The following SDC2 variants were observed in gnomAD, a reference collection of about 807,000 sequenced individuals.
The protein encoded by SDC2 is syndecan-2.
SDC2 carries 13 observed loss-of-function variants against 22.2 expected under a neutral mutation model. That is an observed-to-expected ratio of 0.59 (90% CI 0.38 to 0.93). The LOEUF (loss-of-function observed/expected upper bound fraction) is 0.93, where lower values mean the gene tolerates loss of function less well. SDC2 is among the 40% of genes least tolerant of loss of function. SDC2 has a pLI of 0.00. For missense variants in SDC2, 235 were observed against 246.8 expected, an observed-to-expected ratio of 0.95 and a Z score of 0.32; for synonymous variants, 94 against 92.8, an observed-to-expected ratio of 1.01 and a Z score of -0.07.
intron 1 of SDC2, among the ~76,000 whole-genome samples, chr8:96,504,408 G>C (rs2130427758): frequency 6.6e-6 from 1 of 152,344 alleles, no homozygotes; most frequent in East Asian, 1.9e-4. Flanking sequence ...GAAAATGCAA[G>C]AGATGGTTTT....
At chr8:96,498,273 T>C (rs1226750564) in intron 1 of SDC2, among the ~76,000 whole-genome samples, 3 of 152,112 alleles carry the variant, frequency 2.0e-5, no homozygotes, top group Non-Finnish European at 4.4e-5. Flanking sequence ...TAGTGATCTT[T>C]CCGTTCATTT....
intron 1 of SDC2, among the ~76,000 whole-genome samples, chr8:96,560,611 A>G (rs527871804): frequency 3.8e-4 from 58 of 152,278 alleles, no homozygotes; most frequent in Admixed American, 6.5e-4. Context: ...GACTTTTAAG[A>G]TGGAAGGAGT....
chr8:96,578,936 C>T (rs1563668735), intron 1 of SDC2, among the ~76,000 whole-genome samples: 1 of 152,198 alleles, frequency 6.6e-6, no homozygotes, highest in Non-Finnish European at 1.5e-5. Context: ...TAAACTCCTG[C>T]GGTTGTTGGA....
chr8:96,591,965 G>A (rs1050415455), intron 1 of SDC2, among the ~76,000 whole-genome samples: 4 of 152,148 alleles, frequency 2.6e-5, no homozygotes, highest in Non-Finnish European at 5.9e-5. Context: ...CAAGCTTTGG[G>A]AATTACAATC....
intron 1 of SDC2, among the ~76,000 whole-genome samples, chr8:96,518,993 C>T (rs1813452880): frequency 6.6e-6 from 1 of 152,126 alleles, no homozygotes; most frequent in African/African-American, 2.4e-5. Flanking sequence ...TAATGTTTTT[C>T]ATCTAAAAAC....
intron 1 of SDC2, among the ~76,000 whole-genome samples, chr8:96,563,887 T>C (rs1175997294): frequency 6.6e-6 from 1 of 152,160 alleles, no homozygotes; most frequent in Non-Finnish European, 1.5e-5. Context: ...CTGTTTCCTC[T>C]CTGCATGTTG....
intron 1 of SDC2, among the ~76,000 whole-genome samples, chr8:96,531,648 C>T (rs57625811): frequency 6.6e-6 from 1 of 152,174 alleles, no homozygotes; most frequent in East Asian, 1.9e-4. Flanking sequence ...TAATGACTCA[C>T]CACTACCTCC....
chr8:96,532,412 GTT>G (rs35452131), intron 1 of SDC2, among the ~76,000 whole-genome samples: 1 of 47,942 alleles, frequency 2.1e-5, no homozygotes, highest in African/African-American at 1.0e-4. Flanking sequence ...TTATTGAGGC[GTT>G]TTTTTTTTTT....
In SDC2 at chr8:96,494,225, T is replaced by C; in HGVS notation, c.-47T>C. 6.5e-7 allele frequency: 1 copy of C among 1,533,844 alleles called. No individual in the cohort carries two copies. Among genetic ancestry groups the C allele is most frequent in the Non-Finnish European group, 8.8e-7 (1 of 1,141,410 alleles). On this transcript the variant is annotated 5_prime_UTR_variant, in exon 1 of 5. Coordinates refer to ENST00000302190, the MANE Select transcript of SDC2 (RefSeq NM_002998.4). ...GAGCGCTGGGCAGGAGGCTTCGTTT[T>C]GCCCTGGTTGCAAGCAGCGGCTGGG...
intron 1 of SDC2, chr8:96,586,308 G>A (rs148349141): frequency 7.2e-5 from 11 of 152,324 alleles, no homozygotes; most frequent in African/African-American, 2.6e-4. Flanking sequence ...TCACCAAATG[G>A]CGTAAAGCTT....
chr8:96,520,347 G>C (rs575458098), intron 1 of SDC2, among the ~76,000 whole-genome samples: 3 of 152,106 alleles, frequency 2.0e-5, no homozygotes, highest in African/African-American at 7.2e-5. Flanking sequence ...AGAAATTAGC[G>C]TGAGATCTAT....
At chr8:96,538,179 C>T (rs1813785066) in intron 1 of SDC2, among the ~76,000 whole-genome samples, 1 of 152,160 alleles carries the variant, frequency 6.6e-6, no homozygotes, top group African/African-American at 2.4e-5. Flanking sequence ...TCAGGCTGGT[C>T]TTGAACTCCT....
chr8:96,602,692 G>T (rs985692883), intron 3 of SDC2, among the ~76,000 whole-genome samples, 164 bp downstream of exon 3: 1 of 152,180 alleles, frequency 6.6e-6, no homozygotes, highest in African/African-American at 2.4e-5. Flanking sequence ...TTAAAATTGT[G>T]TAAGGACAAA....
At position 96,494,196 on chromosome 8, in the gene SDC2, C is replaced by T; in HGVS notation, c.-76C>T. The stretch of plus-strand genomic sequence containing the variant: ...GCTCCGGATTCGTGTGCGCGGGCTG[C>T]GCCGAGCGCTGGGCAGGAGGCTTCG... On this transcript the variant is annotated 5_prime_UTR_variant, in exon 1 of 5. Transcript: ENST00000302190. The T allele has an allele frequency of 3.5e-6, 5 of 1,439,536 alleles. No homozygotes were observed. The South Asian group carries it at 6.2e-5, about 18-fold the overall frequency. 89.2% of individuals were successfully genotyped at this position (1,439,536 alleles called of 1,614,324 possible). A position where few individuals can be genotyped will look rare whatever the true frequency, so the allele number is the denominator to read the frequency against.
chr8:96,526,528 CAGA>C (rs1170597890), intron 1 of SDC2, among the ~76,000 whole-genome samples: 1 of 152,130 alleles, frequency 6.6e-6, no homozygotes, highest in African/African-American at 2.4e-5. Context: ...GGCAGGGAGA[CAGA>C]AGATCTTTTC....
In SDC2 at chr8:96,494,280, C is replaced by T. The variant is rs1358638805; in HGVS notation, c.9C>T (p.Arg3=). The T allele has an allele frequency of 1.3e-6, 2 of 1,546,058 alleles. No individual in the cohort carries two copies. Among genetic ancestry groups the T allele is most frequent in the Non-Finnish European group, 1.7e-6 (2 of 1,149,172 alleles). MR[R]AWILLTLGLV... ...GCCGGTCCCTGGGGAATATGCGGCG[C>T]GCGTGGATCCTGCTCACCTTGGGCT... Residue 3 remains arginine, a synonymous_variant, in exon 1 of 5, where the codon CGC becomes CGT. Transcript: ENST00000302190.
Position 96,593,526 on chromosome 8 carries a change from C to T in SDC2, c.107C>T (p.Ser36Phe). The change falls in exon 2 of 5, where the codon TCC (serine) becomes TTC (phenylalanine). Residue 36 changes from serine (S) to phenylalanine (F), a missense_variant. Coordinates refer to ENST00000302190, the MANE Select transcript of SDC2 (RefSeq NM_002998.4). ...SDKDMYLDNSSIEEASGVYPI... is the reference protein window; with the variant it reads ...SDKDMYLDNSFIEEASGVYPI... ...AAAGACATGTACCTTGACAACAGCTCCATTGAAGAAGCTTCAGGAGTGTAT... is the reference window on the plus strand; with the variant it reads ...AAAGACATGTACCTTGACAACAGCTTCATTGAAGAAGCTTCAGGAGTGTAT... The T allele has an allele frequency of 6.2e-7, 1 of 1,614,106 alleles. No homozygotes were observed. The highest frequency in any genetic ancestry group is 8.5e-7 in the Non-Finnish European group (1 of 1,179,954).
At position 96,494,164 on chromosome 8, in the gene SDC2, G is replaced by C. The variant is rs1813008783; in HGVS notation, c.-108G>C. On this transcript the variant is annotated 5_prime_UTR_variant, in exon 1 of 5. Transcript: ENST00000302190. ...CCGAGCCTGAGCCGCAATCGCTGCG[G>C]TACTCTGCTCCGGATTCGTGTGCGC... 8.4e-7 allele frequency: 1 copy of C among 1,192,242 alleles called. No individual in the cohort carries two copies. The highest frequency in any genetic ancestry group is 1.6e-5 in the African/African-American group (1 of 64,300). The allele number at this position is 1,192,242 out of a possible 1,614,324, so 73.9% of individuals were successfully genotyped here.
intron 1 of SDC2, among the ~76,000 whole-genome samples, chr8:96,528,464 C>T (rs938876396): frequency 3.9e-5 from 6 of 152,214 alleles, no homozygotes; most frequent in Admixed American, 3.3e-4. Context: ...ATACTCAGTG[C>T]TCATAACAAT....
Sources: allele counts gnomAD v4.1 joint callset (sites outside exome capture counted in the v4.1 genomes callset), GRCh38; gene constraint gnomAD v4.1.1; transcripts MANE v1.5; gene names NCBI Gene and HGNC (gene_info 2026-07-23, HGNC 2026-07-21).